HTRA2: variants seen among roughly 807,000 people sequenced by gnomAD.
HTRA2 encodes the protein HtrA serine peptidase 2, also known as serine protease HTRA2, mitochondrial.
HTRA2 carries 24 observed loss-of-function variants against 42.2 expected under a neutral mutation model. The observed-to-expected ratio is 0.57, with a 90% confidence interval of 0.41 to 0.80. The LOEUF (loss-of-function observed/expected upper bound fraction) is 0.80. HTRA2 is among the 30% of genes least tolerant of loss of function. The pLI is 0.00. For synonymous variants in HTRA2, 245 were observed against 255.8 expected, an observed-to-expected ratio of 0.96 and a Z score of 0.40; for missense variants, 466 against 613.5, an observed-to-expected ratio of 0.76 and a Z score of 2.54.
rs1675543355 is a variant in HTRA2 at position 74,530,886 on chromosome 2, G to A, written c.712-25G>A. On this transcript the variant is annotated intron_variant, in intron 2 of 7. Transcript: ENST00000258080. This position sits in a 1 kb window ranked among gnomAD's most constrained non-coding sequence, Gnocchi z 7.4. ...ATTTGCTCGCATCTTCAGATGACAG[G>A]TCTCTTTTACCCATTCTCCCTTAGG... 3.7e-6 allele frequency: 6 copies of A among 1,614,142 alleles called. No homozygotes were observed. Among genetic ancestry groups the A allele is most frequent in the Non-Finnish European group, 4.2e-6 (5 of 1,180,028 alleles).
chr2:74,533,385 G>C, downstream of HTRA2: 1 of 563,192 alleles, frequency 1.8e-6, no homozygotes, highest in East Asian at 3.1e-5. Flanking sequence ...TGTTCTGCTC[G>C]GTGCTGGGCC....
At chr2:74,531,295 T>G (rs529245240) in intron 3 of HTRA2, 44 bp from the exon 4 acceptor site, 1 of 1,609,908 alleles carries the variant, frequency 6.2e-7, no homozygotes, top group South Asian at 1.1e-5. Context: ...GCCCCCAGAC[T>G]TAGAATCCCC....
At position 74,532,461 on chromosome 2, in the gene HTRA2, T is replaced by C. The variant is rs553860810; in HGVS notation, c.1116-158T>C. 38 of 688,958 alleles carry C rather than the reference T, an allele frequency of 5.5e-5. 1 individual carries two copies. Among genetic ancestry groups the C allele is most frequent in the South Asian group, 5.0e-4 (33 of 66,256 alleles). The allele number at this position is 688,958 out of a possible 1,614,324, so 42.7% of individuals were successfully genotyped here. ...TCTTTTATGTACATGTTGCACTTTA[T>C]TGCTAGAAGACAGAAAGTGAGTTGC... On this transcript the variant is annotated intron_variant, in intron 6 of 7. Coordinates refer to ENST00000258080, the MANE Select transcript of HTRA2 (RefSeq NM_013247.5).
Position 74,530,152 on chromosome 2 carries a change from G to A in HTRA2, c.146G>A (p.Arg49Gln). 6.2e-7 allele frequency: 1 copy of A among 1,612,138 alleles called. No individual in the cohort carries two copies. The highest frequency in any genetic ancestry group is 8.5e-7 in the Non-Finnish European group (1 of 1,179,322). The change falls in exon 1 of 8, where the codon CGA becomes CAA. Residue 49 changes from arginine (R) to glutamine (Q), a missense_variant. By Grantham distance (43) the Arg-to-Gln change is conservative. Coordinates refer to ENST00000258080, the MANE Select transcript of HTRA2 (RefSeq NM_013247.5). This position sits in a 1 kb window ranked among gnomAD's most constrained non-coding sequence, Gnocchi z 7.4. ...LTSGTSDPRA[R>Q]VTYGTPSLWA... is the part of the protein sequence containing the mutation. The stretch of plus-strand genomic sequence containing the variant: ...TCAGGAACTTCTGACCCCCGGGCCC[G>A]AGTGACTTATGGGACCCCCAGTCTC...
Position 74,530,149 on chromosome 2 carries a change from C to T in HTRA2, c.143C>T (p.Ala48Val). The T allele has an allele frequency of 6.2e-7, 1 of 1,612,224 alleles. No homozygotes were observed. Among genetic ancestry groups the T allele is most frequent in the Non-Finnish European group, 8.5e-7 (1 of 1,179,370 alleles). ...ACGTCAGGAACTTCTGACCCCCGGG[C>T]CCGAGTGACTTATGGGACCCCCAGT... ...LLTSGTSDPR[A>V]RVTYGTPSLW... Residue 48 changes from alanine to valine, a missense_variant, in exon 1 of 8, where the codon GCC becomes GTC. Transcript: ENST00000258080. This position sits in a 1 kb window ranked among gnomAD's most constrained non-coding sequence, Gnocchi z 7.4.
intron 6 of HTRA2, chr2:74,532,401 ACT>A (rs1285223256): frequency 5.1e-6 from 3 of 590,896 alleles, no homozygotes; most frequent in East Asian, 3.2e-5. Flanking sequence ...TTGATTTAAC[ACT>A]GTTTGTCATT....
At chr2:74,531,412 G>A (rs1675589086) in intron 4 of HTRA2, 41 bp downstream of exon 4, 19 of 1,611,460 alleles carry the variant, frequency 1.2e-5, no homozygotes, top group Non-Finnish European at 1.5e-5. Context: ...CCTGCCCCAG[G>A]TCAGTGTGGG....
chr2:74,532,468 A>G, intron 6 of HTRA2, 151 bp from the exon 7 acceptor site: 1 of 699,514 alleles, frequency 1.4e-6, no homozygotes, highest in Non-Finnish European at 2.6e-6. Flanking sequence ...TTATTGCTAG[A>G]AGACAGAAAG....
rs1246528208 is a variant in HTRA2 at position 74,531,614 on chromosome 2, A to C, written c.957A>C (p.Gly319=). 6.2e-7 allele frequency: 1 copy of C among 1,614,180 alleles called. No homozygotes were observed. Among genetic ancestry groups the C allele is most frequent in the South Asian group, 1.1e-5 (1 of 91,080 alleles). ...CCCTGCAGGATGGGGAGGTGATTGGAGTGAACACCATGAAGGTCACAGCTG... is the reference window on the plus strand; with the variant it reads ...CCCTGCAGGATGGGGAGGTGATTGGCGTGAACACCATGAAGGTCACAGCTG... The part of the protein sequence containing the change: ...PLVNLDGEVI[G]VNTMKVTAGI... The change falls in exon 5 of 8, where the codon GGA becomes GGC. Residue 319 remains glycine, a synonymous_variant. Transcript: ENST00000258080.
Position 74,531,704 on chromosome 2 carries a change from T to C in HTRA2, c.1045+2T>C. 1 of 1,613,650 alleles carries C rather than the reference T, an allele frequency of 6.2e-7. No homozygotes were observed. The highest frequency in any genetic ancestry group is 8.5e-7 in the Non-Finnish European group (1 of 1,179,984). On this transcript the variant is annotated splice_donor_variant, in intron 5 of 7. Transcript: ENST00000258080. LOFTEE classifies it high-confidence loss of function. The stretch of plus-strand genomic sequence containing the variant: ...TTCTGCATCGTGGGGAAAAGAAGAG[T>C]GAGCCTGCCTTATGGGGAAACGGGT...
chr2:74,532,479 T>G, intron 6 of HTRA2, 140 bp from the exon 7 acceptor site: 2 of 713,460 alleles, frequency 2.8e-6, no homozygotes, highest in Non-Finnish European at 2.5e-6. Context: ...AGACAGAAAG[T>G]GAGTTGCCAT....
intron 3 of HTRA2, 85 bp downstream of exon 3, chr2:74,531,190 A>G (rs1362315933): frequency 6.5e-7 from 1 of 1,537,870 alleles, no homozygotes; most frequent in South Asian, 1.1e-5. Flanking sequence ...TATATGGTGG[A>G]TGAGCCTATA....
At chr2:74,532,402 C>T (rs137980173) in intron 6 of HTRA2, 4 of 590,898 alleles carry the variant, frequency 6.8e-6, no homozygotes, top group African/African-American at 5.5e-5. Context: ...TGATTTAACA[C>T]TGTTTGTCAT....
In HTRA2 at chr2:74,530,173, G is replaced by A. The variant is rs1251234501; in HGVS notation, c.167G>A (p.Ser56Asn). ...GCCCGAGTGACTTATGGGACCCCCA[G>A]TCTCTGGGCCCGGTTGTCTGTTGGG... ...PRARVTYGTP[S>N]LWARLSVGVT... is the part of the protein sequence containing the mutation. The change falls in exon 1 of 8, where the codon AGT becomes AAT. Residue 56 changes from serine to asparagine, a missense_variant. By Grantham distance (46) the Ser-to-Asn change is conservative. This residue lies in a region of HTRA2 where 222 missense variants were observed against 205.1 expected (regional missense o/e 1.08). Transcript: ENST00000258080. The surrounding 1 kb of genome is among the most constrained non-coding windows in gnomAD (Gnocchi z 7.4). 1.2e-6 allele frequency: 2 copies of A among 1,612,120 alleles called. No homozygotes were observed. Among genetic ancestry groups the A allele is most frequent in the Admixed American group, 1.7e-5 (1 of 59,874 alleles).
In HTRA2 at chr2:74,530,359, T is replaced by C; in HGVS notation, c.353T>C (p.Leu118Pro). ...GCGCTGGGCGCTGGGGGGGCAGTGC[T>C]GTTGTTGTTGTGGGGCGGGGGTCGG... ...AVALGAGGAV[L>P]LLLWGGGRGP... Residue 118 changes from leucine to proline, a missense_variant, in exon 1 of 8, where the codon CTG (leucine) becomes CCG (proline). By Grantham distance (98) the Leu-to-Pro change is moderately conservative. Transcript: ENST00000258080. This position sits in a 1 kb window ranked among gnomAD's most constrained non-coding sequence, Gnocchi z 7.4. 2 of 1,592,472 alleles carry C rather than the reference T, an allele frequency of 1.3e-6. No individual in the cohort carries two copies. The highest frequency in any genetic ancestry group is 1.7e-6 in the Non-Finnish European group (2 of 1,169,830).
chr2:74,529,540 G>A (rs1209044550), upstream of HTRA2: 4 of 1,550,270 alleles, frequency 2.6e-6, no homozygotes, highest in Admixed American at 1.9e-5. Flanking sequence ...CGAAGGCCGA[G>A]AGCACGCGGG....
intron 6 of HTRA2, 68 bp downstream of exon 6, chr2:74,531,993 C>A: frequency 7.1e-7 from 1 of 1,405,418 alleles, no homozygotes; most frequent in Non-Finnish European, 1.0e-6. Context: ...CTCTATTGAG[C>A]TTTGTTCTCA....
Position 74,531,898 on chromosome 2 carries a change from G to T in HTRA2, c.1088G>T (p.Gly363Val), listed in dbSNP as rs768453888. The T allele has an allele frequency of 6.2e-6, 10 of 1,614,140 alleles. No homozygotes were observed. Among genetic ancestry groups the T allele is most frequent in the Non-Finnish European group, 8.5e-6 (10 of 1,180,038 alleles). ...AGTGGGTCCCAGCGGCGCTACATTGGGGTGATGATGCTGACCCTGAGTCCC... is the reference window on the plus strand; with the variant it reads ...AGTGGGTCCCAGCGGCGCTACATTGTGGTGATGATGCTGACCCTGAGTCCC... Reference protein sequence around the residue: ...GISGSQRRYIGVMMLTLSPSI... With the variant: ...GISGSQRRYIVVMMLTLSPSI... Residue 363 changes from glycine (G) to valine (V), a missense_variant, in exon 6 of 8, where the codon GGG becomes GTG. Coordinates refer to ENST00000258080, the MANE Select transcript of HTRA2 (RefSeq NM_013247.5).
downstream of HTRA2, chr2:74,533,472 C>T: frequency 1.4e-6 from 1 of 726,402 alleles, no homozygotes; most frequent in Non-Finnish European, 2.3e-6. Flanking sequence ...TTCTGCTTGA[C>T]AGTTCCACAT....
Sources: gnomAD v4.1 joint callset for allele counts on GRCh38, gnomAD v4.1.1 for gene constraint, gnomAD v4.1.1 regional missense constraint, Gnocchi (gnomAD v3.1) non-coding constraint, MANE v1.5 for transcripts, NCBI Gene and HGNC (gene_info 2026-07-23, HGNC 2026-07-21) for gene names.